DLGAP2: variants seen among roughly 807,000 people sequenced by gnomAD.
DLGAP2 encodes the protein DLG associated protein 2.
DLGAP2 carries 26 observed loss-of-function variants against 100.3 expected under a neutral mutation model. The ratio of observed to expected loss-of-function variants is 0.26; its 90% CI spans 0.19 to 0.36. DLGAP2 has a LOEUF of 0.36. Ranked by LOEUF, DLGAP2 falls within the 10% of genes least tolerant of loss-of-function variation. The pLI, the probability that DLGAP2 is intolerant of heterozygous loss-of-function variation, is 1.00. For synonymous variants in DLGAP2, 886 were observed against 630.1 expected (o/e 1.41, Z -6.08); for missense variants, 1,858 against 1,453.2 (o/e 1.28, Z -4.53).
chr8:870,569 C>G (rs1563072579), intron 1 of DLGAP2, among the ~76,000 whole-genome samples: 2 of 152,176 alleles, frequency 1.3e-5, no homozygotes, highest in Non-Finnish European at 2.9e-5. Context: ...TGTTTCCTCT[C>G]ACTTCCTGCT....
chr8:1,324,128 G>A (rs1800968678), intron 3 of DLGAP2, among the ~76,000 whole-genome samples: 1 of 152,174 alleles, frequency 6.6e-6, no homozygotes. Flanking sequence ...GAAGGGGGAG[G>A]AAGACGACCC....
intron 3 of DLGAP2, among the ~76,000 whole-genome samples, chr8:1,324,844 C>G (rs541458550): frequency 1.3e-5 from 2 of 152,144 alleles, no homozygotes; most frequent in Non-Finnish European, 2.9e-5. Context: ...CCGTGAAATA[C>G]GGAGCTGATT....
chr8:1,247,944 A>C (rs148217935), intron 2 of DLGAP2, among the ~76,000 whole-genome samples: 1 of 3,386 alleles, frequency 3.0e-4, no homozygotes, highest in Non-Finnish European at 6.6e-4. Context: ...CTGGGAAGAC[A>C]TTTGAGATCA....
At chr8:1,240,068 A>ACG (rs201521477) in intron 2 of DLGAP2, among the ~76,000 whole-genome samples, 1 of 67,616 alleles carries the variant, frequency 1.5e-5, no homozygotes, top group African/African-American at 5.6e-5. Flanking sequence ...GTGTCTAGTT[A>ACG]TCTCACATGG....
chr8:1,187,455 C>A (rs191527438), intron 2 of DLGAP2, among the ~76,000 whole-genome samples: 1 of 124,596 alleles, frequency 8.0e-6, no homozygotes, highest in Non-Finnish European at 1.6e-5. Flanking sequence ...TCTCACACAC[C>A]CGGGACCTCC....
intron 1 of DLGAP2, among the ~76,000 whole-genome samples, chr8:792,342 G>A (rs2132641374): frequency 6.6e-6 from 1 of 152,222 alleles, no homozygotes; most frequent in African/African-American, 2.4e-5. Flanking sequence ...ATGAGTAAGT[G>A]CTAATTTTAT....
intron 2 of DLGAP2, among the ~76,000 whole-genome samples, chr8:1,187,439 A>ATGGAAT (rs1797531740): frequency 7.6e-6 from 1 of 131,912 alleles, no homozygotes; most frequent in African/African-American, 3.1e-5. Context: ...CGTTTGCCTC[A>ATGGAAT]CGGAATCTCA....
intron 3 of DLGAP2, among the ~76,000 whole-genome samples, chr8:1,496,915 C>T (rs984299827): frequency 6.6e-6 from 1 of 152,148 alleles, no homozygotes; most frequent in Admixed American, 6.5e-5. Context: ...ACAGCTCCCC[C>T]AAGATGGTTT....
At chr8:780,617 C>A (rs1821657510) in intron 1 of DLGAP2, among the ~76,000 whole-genome samples, 1 of 152,234 alleles carries the variant, frequency 6.6e-6, no homozygotes, top group Non-Finnish European at 1.5e-5. Flanking sequence ...TCACCCATAT[C>A]CTCAGCCACA....
chr8:871,190 A>G (rs1585956010), intron 1 of DLGAP2, among the ~76,000 whole-genome samples: 2 of 152,098 alleles, frequency 1.3e-5, no homozygotes, highest in East Asian at 3.9e-4. Context: ...ACCCCTTCCC[A>G]CAGAGAAGGC....
intron 2 of DLGAP2, among the ~76,000 whole-genome samples, chr8:961,294 C>G (rs1193638279): frequency 6.7e-6 from 1 of 148,586 alleles, no homozygotes; most frequent in African/African-American, 2.5e-5. Context: ...GAACTGTGTG[C>G]TCAGGAAAAT....
chr8:1,175,176 G>T (rs907295754), intron 2 of DLGAP2, among the ~76,000 whole-genome samples: 2 of 151,976 alleles, frequency 1.3e-5, no homozygotes, highest in African/African-American at 4.8e-5. Flanking sequence ...TGACATTTCT[G>T]CTATGGCCAT....
At chr8:1,175,046 C>A (rs1304691249) in intron 2 of DLGAP2, among the ~76,000 whole-genome samples, 1 of 152,138 alleles carries the variant, frequency 6.6e-6, no homozygotes, top group Non-Finnish European at 1.5e-5. Context: ...GGATGGAACT[C>A]AAAACTAAAT....
chr8:1,634,483 G>C (rs965564839), intron 8 of DLGAP2, among the ~76,000 whole-genome samples: 5 of 152,148 alleles, frequency 3.3e-5, no homozygotes, highest in African/African-American at 1.2e-4. Flanking sequence ...GTAGCCTCCT[G>C]TTTTCCTCTG....
At chr8:948,562 G>A (rs1270341931) in intron 2 of DLGAP2, among the ~76,000 whole-genome samples, 1 of 152,274 alleles carries the variant, frequency 6.6e-6, no homozygotes, top group South Asian at 2.1e-4. Context: ...CGGGGCCTGA[G>A]TGCAGAGGAA....
chr8:1,619,970 A>C (rs1341905489), intron 6 of DLGAP2: 1 of 152,164 alleles, frequency 6.6e-6, no homozygotes, highest in Middle Eastern at 3.2e-3. Context: ...AAATGATCCC[A>C]GGCCCGCCTC....
At chr8:1,600,510 A>C (rs1796591886) in intron 6 of DLGAP2, among the ~76,000 whole-genome samples, 1 of 152,188 alleles carries the variant, frequency 6.6e-6, no homozygotes, top group Admixed American at 6.5e-5. Context: ...CAGGTACATT[A>C]ATCTAATGTA....
intron 2 of DLGAP2, among the ~76,000 whole-genome samples, chr8:1,129,272 A>T (rs1021572914): frequency 2.6e-5 from 4 of 152,002 alleles, no homozygotes; most frequent in African/African-American, 9.7e-5. Flanking sequence ...GCAAGGTGGC[A>T]CGTGCCTGTG....
intron 3 of DLGAP2, among the ~76,000 whole-genome samples, chr8:1,354,028 C>T (rs1801793500): frequency 6.6e-6 from 1 of 152,078 alleles, no homozygotes. Flanking sequence ...GTGGCCAGTG[C>T]TGTTTATAGA....
Sources: gnomAD v4.1 joint callset for allele counts (sites outside exome capture counted in the v4.1 genomes callset) on GRCh38, gnomAD v4.1.1 for gene constraint, MANE v1.5 for transcripts, NCBI Gene and HGNC (gene_info 2026-07-23, HGNC 2026-07-21) for gene names.